CLTRN: variants seen among roughly 807,000 people sequenced by gnomAD.
CLTRN encodes collectrin, amino acid transport regulator, also known as collectrin.
CLTRN carries 12 observed loss-of-function variants against 14.5 expected under a neutral mutation model. The observed-to-expected ratio is 0.83, with a 90% confidence interval of 0.53 to 1.34. The LOEUF (loss-of-function observed/expected upper bound fraction) is 1.34, where lower values mean the gene tolerates loss of function less well. Ranked by LOEUF, CLTRN falls within the 40% of genes most tolerant of loss-of-function variation. The pLI is 0.00. For missense variants in CLTRN, 154 were observed against 165.1 expected, an observed-to-expected ratio of 0.93 and a Z score of 0.37; for synonymous variants, 58 against 56.5, an observed-to-expected ratio of 1.03 and a Z score of -0.12.
chrX:15,658,252 T>C (rs748425683), intron 3 of CLTRN, among the ~76,000 whole-genome samples: 2 of 112,844 alleles, frequency 1.8e-5, no homozygotes, highest in East Asian at 5.5e-4. Flanking sequence ...TGGCACCTAC[T>C]AAATGCTCCT....
rs1601717154 is a variant in CLTRN at position 15,627,845 on chromosome X, T to C, written c.*126A>G. ...TGATTGCTTTTCACTTTCAAGCACA[T>C]TCAAAATTTATTACAAAAGAAGAAT... On this transcript the variant is annotated 3_prime_UTR_variant, in exon 6 of 6. Coordinates refer to ENST00000380342, the MANE Select transcript of CLTRN (RefSeq NM_020665.6). The C allele has an allele frequency of 1.9e-6, 1 of 536,085 alleles. No individual in the cohort carries two copies. Among genetic ancestry groups the C allele is most frequent in the Non-Finnish European group, 2.6e-6 (1 of 380,012 alleles). The allele number at this position is 536,085 out of a possible 1,213,427, so 44.2% of individuals were successfully genotyped here. A position where few individuals can be genotyped will look rare whatever the true frequency, so the allele number is the denominator to read the frequency against.
intron 1 of CLTRN, among the ~76,000 whole-genome samples, chrX:15,671,844 G>GCACACACACACACA (rs199900262): frequency 2.2e-5 from 2 of 90,030 alleles, no homozygotes; most frequent in South Asian, 5.1e-4. Flanking sequence ...TTTTATGCGC[G>GCACACACACACACA]CACACACACA....
intron 4 of CLTRN, among the ~76,000 whole-genome samples, chrX:15,642,199 C>T (rs1373050223): frequency 8.9e-6 from 1 of 111,855 alleles, no homozygotes; most frequent in Non-Finnish European, 1.9e-5. Flanking sequence ...GGAATGTATT[C>T]TATCATCTCA....
chrX:15,638,258 A>G (rs1029650381), intron 5 of CLTRN, among the ~76,000 whole-genome samples: 3 of 112,627 alleles, frequency 2.7e-5, no homozygotes, highest in African/African-American at 9.7e-5. Context: ...ATGCCATGCC[A>G]AGATCATCAA....
rs1444887017 is a variant in CLTRN, at chrX:15,664,729, A to G, written c.47T>C (p.Leu16Pro). ...FFLVTAIHAELCQPGAENAFK... is the reference protein window; with the variant it reads ...FFLVTAIHAEPCQPGAENAFK... ...TCAAGGCTACATACCTGGTTGACAG[A>G]GTTCAGCATGAATGGCAGTCACCAG... is the stretch of plus-strand genomic sequence containing the variant. Residue 16 changes from leucine (L) to proline (P), a missense_variant, in exon 1 of 6, where the codon CTC (leucine) becomes CCC (proline). Transcript: ENST00000380342. 1 of 1,208,820 alleles carries G rather than the reference A, an allele frequency of 8.3e-7. No homozygotes were observed. The highest frequency in any genetic ancestry group is 3.0e-5 in the East Asian group (1 of 33,823).
chrX:15,665,005 T>C (rs1256675329), upstream of CLTRN: 4 of 385,118 alleles, frequency 1.0e-5, no homozygotes, highest in African/African-American at 1.0e-4. Flanking sequence ...ATTAGTTGTT[T>C]TCCCTACTCT....
upstream of CLTRN, among the ~76,000 whole-genome samples, chrX:15,675,380 G>C (rs966707527): frequency 9.1e-5 from 10 of 109,805 alleles, no homozygotes; most frequent in Admixed American, 3.8e-4. Context: ...GAAAAGGGAA[G>C]TAGGGACATG....
chrX:15,673,764 G>A, intron 1 of CLTRN, among the ~76,000 whole-genome samples: 1 of 112,295 alleles, frequency 8.9e-6, no homozygotes, highest in East Asian at 2.7e-4. Context: ...TTGATTACTG[G>A]CATATGTAGA....
intron 3 of CLTRN, among the ~76,000 whole-genome samples, chrX:15,649,355 T>C (rs183092891): frequency 1.8e-5 from 2 of 112,329 alleles, no homozygotes; most frequent in Non-Finnish European, 3.8e-5. Context: ...AAAATGAAAA[T>C]ATTTTATCTA....
chrX:15,646,485 C>CCCCCCG (rs1929075373), intron 3 of CLTRN: 1 of 302,810 alleles, frequency 3.3e-6, no homozygotes, highest in South Asian at 3.0e-5. Context: ...ACCCCCGCGC[C>CCCCCCG]AGAAGCACTG....
At chrX:15,667,552 G>A (rs895052337), upstream of CLTRN, among the ~76,000 whole-genome samples, 2 of 112,579 alleles carry the variant, frequency 1.8e-5, no homozygotes, top group Non-Finnish European at 3.8e-5. Flanking sequence ...CAGCGTCAAC[G>A]AATGACCAAT....
chrX:15,659,213 C>T (rs866507792), intron 2 of CLTRN, 112 bp from the exon 3 acceptor site: 34 of 314,655 alleles, frequency 1.1e-4, no homozygotes, highest in Middle Eastern at 1.5e-3. Context: ...CACACACACA[C>T]GCACACACAC....
intron 5 of CLTRN, among the ~76,000 whole-genome samples, chrX:15,632,559 C>T (rs1601719838): frequency 2.8e-5 from 3 of 108,325 alleles, no homozygotes; most frequent in South Asian, 8.1e-4. Context: ...GCCTTGGCAA[C>T]GGAGTGAGAC....
At chrX:15,673,359 T>C (rs945897635) in intron 1 of CLTRN, among the ~76,000 whole-genome samples, 1 of 112,439 alleles carries the variant, frequency 8.9e-6, no homozygotes, top group African/African-American at 3.2e-5. Context: ...ACATTATTTA[T>C]TCTCCCTCCA....
At chrX:15,648,575 G>A (rs750333246) in intron 3 of CLTRN, among the ~76,000 whole-genome samples, 3 of 111,557 alleles carry the variant, frequency 2.7e-5, no homozygotes, top group Admixed American at 9.5e-5. Context: ...CACTTTGGGA[G>A]GCTGAGGGGG....
At chrX:15,673,438 C>T (rs891247496) in intron 1 of CLTRN, among the ~76,000 whole-genome samples, 4 of 112,143 alleles carry the variant, frequency 3.6e-5, no homozygotes, top group African/African-American at 9.7e-5. Flanking sequence ...TTTTGGTACG[C>T]GGCCTCAAAT....
intron 3 of CLTRN, chrX:15,646,775 G>C (rs1304834981): frequency 8.9e-6 from 3 of 335,973 alleles, no homozygotes; most frequent in Non-Finnish European, 1.8e-5. Flanking sequence ...ACATGAAGCG[G>C]TGGCTTTGGA....
At chrX:15,630,357 CAAGA>C (rs201938672) in intron 5 of CLTRN, among the ~76,000 whole-genome samples, 1 of 60,619 alleles carries the variant, frequency 1.6e-5, no homozygotes, top group African/African-American at 7.5e-5. Flanking sequence ...GGCTTTACCA[CAAGA>C]AAGAAGGAAG....
At position 15,659,605 on chromosome X, in the gene CLTRN, T is replaced by C. The variant is rs780904277; in HGVS notation, c.118-504A>G. Among the ~76,000 whole-genome samples, 472 of 111,943 alleles carry C rather than the reference T, an allele frequency of 4.2e-3. 3 individuals carry two copies. The highest frequency in any genetic ancestry group is 0.015 in the African/African-American group (456 of 30,738). On this transcript the variant is annotated intron_variant, in intron 2 of 5. Transcript: ENST00000380342. ...TCCTAACTTGCAATACCTCAGAATT[T>C]AACTCTATTTGGAGACAGGGTCTTT... is the stretch of plus-strand genomic sequence containing the variant.
Sources: allele counts gnomAD v4.1 joint callset (sites outside exome capture counted in the v4.1 genomes callset), GRCh38; gene constraint gnomAD v4.1.1; transcripts MANE v1.5; gene names NCBI Gene and HGNC (gene_info 2026-07-23, HGNC 2026-07-21).